ALCAM: variants seen among roughly 807,000 people sequenced by gnomAD.
The protein encoded by ALCAM is activated leukocyte cell adhesion molecule, also known as CD166 antigen.
A neutral mutation model predicts 70.9 loss-of-function variants in ALCAM; 30 were observed. The ratio of observed to expected loss-of-function variants is 0.42; its 90% confidence interval spans 0.32 to 0.57. The LOEUF is 0.57. ALCAM is among the 20% of genes least tolerant of loss of function. ALCAM has a pLI of 0.11. For missense variants in ALCAM, 591 were observed against 695.1 expected, an observed-to-expected ratio of 0.85 and a Z score of 1.68; for synonymous variants, 249 against 242.5, an observed-to-expected ratio of 1.03 and a Z score of -0.25.
chr3:105,541,786 T>A, intron 8 of ALCAM, 21 bp downstream of exon 8: 1 of 1,610,784 alleles, frequency 6.2e-7, no homozygotes, highest in Non-Finnish European at 8.5e-7. Flanking sequence ...TACTTCTTCA[T>A]CAGCAGCTTC....
intron 1 of ALCAM, among the ~76,000 whole-genome samples, chr3:105,478,784 A>G (rs1009502651): frequency 6.6e-6 from 1 of 152,178 alleles, no homozygotes. Flanking sequence ...TAATAAAAAG[A>G]AAAGGTTTTG....
In ALCAM at chr3:105,550,213, A is replaced by C; in HGVS notation, c.1461A>C (p.Ala487=). 1 of 1,609,164 alleles carries C rather than the reference A, an allele frequency of 6.2e-7. No homozygotes were observed. Among genetic ancestry groups the C allele is most frequent in the East Asian group, 2.2e-5 (1 of 44,674 alleles). ...AGAATGTTACATTAACTTGCACAGCAGAAAACCAACTGGAGAGAACAGTAA... is the reference window on the plus strand; with the variant it reads ...AGAATGTTACATTAACTTGCACAGCCGAAAACCAACTGGAGAGAACAGTAA... The part of the protein sequence containing the change: ...PEENVTLTCT[A]ENQLERTVNS... Residue 487 remains alanine, a synonymous_variant, in exon 12 of 16, where the codon GCA becomes GCC. Coordinates refer to ENST00000306107, the MANE Select transcript of ALCAM (RefSeq NM_001627.4).
At chr3:105,562,342 T>A (rs1379839561) in intron 14 of ALCAM, among the ~76,000 whole-genome samples, 1 of 152,218 alleles carries the variant, frequency 6.6e-6, no homozygotes, top group Non-Finnish European at 1.5e-5. Context: ...AGATTACCAG[T>A]AGTTTTTATC....
intron 1 of ALCAM, among the ~76,000 whole-genome samples, chr3:105,469,350 T>C (rs1025685806): frequency 2.6e-5 from 4 of 151,224 alleles, no homozygotes; most frequent in Non-Finnish European, 5.9e-5. Context: ...ACAGCACTTG[T>C]CCTTCTTCTC....
Position 105,547,428 on chromosome 3 carries a change from A to G in ALCAM, c.1279A>G (p.Ser427Gly), listed in dbSNP as rs1164311315. 6.2e-7 allele frequency: 1 copy of G among 1,610,018 alleles called. No homozygotes were observed. Among genetic ancestry groups the G allele is most frequent in the African/African-American group, 1.3e-5 (1 of 74,572 alleles). ...QIKMTKKTDPSGLSKTIICHV... is the reference protein window; with the variant it reads ...QIKMTKKTDPGGLSKTIICHV... ...AAAAATGACAAAGAAAACTGATCCC[A>G]GTGGACTATCTAAAACAATAATCTG... The change falls in exon 11 of 16, where the codon AGT becomes GGT. Residue 427 changes from serine to glycine, a missense_variant. This residue lies in a region of ALCAM where 164 missense variants were observed against 244.7 expected (regional missense o/e 0.67). Transcript: ENST00000306107.
chr3:105,433,834 G>A (rs546406033), intron 1 of ALCAM, among the ~76,000 whole-genome samples: 1 of 149,504 alleles, frequency 6.7e-6, no homozygotes, highest in East Asian at 2.0e-4. Context: ...TTTAAATTTT[G>A]TAATGGATAT....
chr3:105,409,753 T>C (rs1488084148), intron 1 of ALCAM, among the ~76,000 whole-genome samples: 2 of 152,050 alleles, frequency 1.3e-5, no homozygotes, highest in South Asian at 2.1e-4. Flanking sequence ...TAACAATCAA[T>C]GAATTATTTT....
In ALCAM at chr3:105,367,400, A is replaced by G; in HGVS notation, c.-9A>G. The G allele has an allele frequency of 6.2e-7, 1 of 1,613,366 alleles. No homozygotes were observed. Among genetic ancestry groups the G allele is most frequent in the Non-Finnish European group, 8.5e-7 (1 of 1,179,654 alleles). On this transcript the variant is annotated 5_prime_UTR_variant, in exon 1 of 16. Transcript: ENST00000306107. ...CTCCGTCAGTGGCCCACCAAGAAGG[A>G]GGAGGAATATGGAATCCAAGGGGGC... is the stretch of plus-strand genomic sequence containing the variant.
intron 1 of ALCAM, among the ~76,000 whole-genome samples, chr3:105,397,183 T>G (rs1279983928): frequency 6.6e-6 from 1 of 152,108 alleles, no homozygotes; most frequent in Non-Finnish European, 1.5e-5. Context: ...AATTTTTCTC[T>G]TGGCATTTGT....
At chr3:105,485,399 G>A (rs183587296) in intron 1 of ALCAM, among the ~76,000 whole-genome samples, 12 of 151,670 alleles carry the variant, frequency 7.9e-5, no homozygotes, top group East Asian at 5.8e-4. Flanking sequence ...GTGTGTGTGC[G>A]CGCACATCCA....
chr3:105,509,490 A>G (rs1939174910), intron 1 of ALCAM, among the ~76,000 whole-genome samples: 1 of 151,522 alleles, frequency 6.6e-6, no homozygotes, highest in Non-Finnish European at 1.5e-5. Flanking sequence ...TCATATATCT[A>G]TTGGCTAATT....
intron 1 of ALCAM, among the ~76,000 whole-genome samples, chr3:105,490,609 T>C (rs1461776369): frequency 1.3e-5 from 2 of 152,144 alleles, no homozygotes; most frequent in African/African-American, 2.4e-5. Flanking sequence ...ATGTTATAGA[T>C]TAGGATTTAG....
chr3:105,541,623 C>T lies in ALCAM; in HGVS notation c.859-10C>T. On this transcript the variant is annotated splice_polypyrimidine_tract_variant and intron_variant, in intron 7 of 15. Coordinates refer to ENST00000306107, the MANE Select transcript of ALCAM (RefSeq NM_001627.4). Reference sequence around the variant, plus strand: ...AGTATAATCATCTGACATTTTGCCTCTATCAAAAGGGACAGCCCGAAGGAA... The same window carrying T: ...AGTATAATCATCTGACATTTTGCCTTTATCAAAAGGGACAGCCCGAAGGAA... 6.2e-7 allele frequency: 1 copy of T among 1,610,530 alleles called. No individual in the cohort carries two copies.
intron 1 of ALCAM, among the ~76,000 whole-genome samples, chr3:105,499,650 G>A (rs6796658): frequency 0.22 from 34,171 of 152,056 alleles, 4,747 homozygotes; most frequent in Non-Finnish European, 0.32. Context: ...CTGCTGGGGC[G>A]GAGAGGTAGC....
intron 1 of ALCAM, among the ~76,000 whole-genome samples, chr3:105,426,127 A>T (rs926669197): frequency 4.6e-5 from 7 of 151,814 alleles, no homozygotes; most frequent in Non-Finnish European, 1.0e-4. Context: ...TATTTTTCAA[A>T]CTATATTTAG....
intron 1 of ALCAM, among the ~76,000 whole-genome samples, chr3:105,498,884 T>C (rs1256717565): frequency 6.6e-6 from 1 of 152,248 alleles, no homozygotes; most frequent in African/African-American, 2.4e-5. Flanking sequence ...TAGTATTTTT[T>C]CTAATAGATT....
intron 1 of ALCAM, among the ~76,000 whole-genome samples, chr3:105,383,908 T>G (rs1246190486): frequency 6.6e-6 from 1 of 151,728 alleles, no homozygotes; most frequent in Non-Finnish European, 1.5e-5. Flanking sequence ...TCTTCTATTT[T>G]TAATTAATAG....
chr3:105,482,299 A>G (rs1474339037), intron 1 of ALCAM, among the ~76,000 whole-genome samples: 2 of 152,026 alleles, frequency 1.3e-5, no homozygotes, highest in Non-Finnish European at 2.9e-5. Context: ...TTTTGTAGAT[A>G]TAGTGTTTCA....
chr3:105,498,363 TC>T (rs1938818044), intron 1 of ALCAM, among the ~76,000 whole-genome samples: 2 of 152,108 alleles, frequency 1.3e-5, no homozygotes, highest in African/African-American at 4.8e-5. Context: ...TGGGAAGTTT[TC>T]TAAAAAGTAA....
Sources: gnomAD v4.1 joint callset for allele counts (sites outside exome capture counted in the v4.1 genomes callset) on GRCh38, gnomAD v4.1.1 for gene constraint, gnomAD v4.1.1 regional missense constraint, MANE v1.5 for transcripts, NCBI Gene and HGNC (gene_info 2026-07-23, HGNC 2026-07-21) for gene names.